The following PCDHGB6 variants were observed in gnomAD, a reference collection of about 807,000 sequenced individuals.
The protein encoded by PCDHGB6 is protocadherin gamma subfamily B, 6, also known as protocadherin gamma-B6.
Under a neutral mutation model 59.1 loss-of-function variants are expected in PCDHGB6, and 51 were observed. The ratio of observed to expected loss-of-function variants is 0.86; its 90% confidence interval spans 0.69 to 1.09. The LOEUF (loss-of-function observed/expected upper bound fraction) is 1.09, where lower values mean the gene tolerates loss of function less well. Among genes scored for constraint, PCDHGB6 ranks in the 50% least tolerant of loss-of-function variants. The pLI, the probability that PCDHGB6 is intolerant of heterozygous loss-of-function variation, is 0.00. For synonymous variants in PCDHGB6, 466 were observed against 495.1 expected (o/e 0.94, Z 0.78); for missense variants, 1,148 against 1,205.1 (o/e 0.95, Z 0.70).
At position 141,477,850 on chromosome 5, in the gene PCDHGB6, G is replaced by A; in HGVS notation, c.2419-16957G>A. On this transcript the variant is annotated intron_variant, in intron 1 of 3. Transcript: ENST00000520790. The surrounding 1 kb of genome is among the most constrained non-coding windows in gnomAD (Gnocchi z 4.9). ...CTCGGCCAGGTGGGAGCTCGGTGGAGATGCTGCCTCGAGGTACCTCAGCTG... is the reference window on the plus strand; with the variant it reads ...CTCGGCCAGGTGGGAGCTCGGTGGAAATGCTGCCTCGAGGTACCTCAGCTG... 6.2e-7 allele frequency: 1 copy of A among 1,613,446 alleles called. No homozygotes were observed. Among genetic ancestry groups the A allele is most frequent in the Admixed American group, 1.7e-5 (1 of 59,958 alleles).
chr5:141,418,079 C>A, intron 1 of PCDHGB6: 1 of 1,614,048 alleles, frequency 6.2e-7, no homozygotes, highest in Non-Finnish European at 8.5e-7. Context: ...GGAGAAGCTG[C>A]ACTTCAGCGT....
chr5:141,426,371 C>T (rs987346395), intron 1 of PCDHGB6: 4 of 217,048 alleles, frequency 1.8e-5, no homozygotes, highest in African/African-American at 9.0e-5. Context: ...TGCGGGGCAC[C>T]CTCGGAGCAG....
Position 141,486,772 on chromosome 5 carries a change from T to A in PCDHGB6, c.2419-8035T>A. ...ATGAGCAAACCCAGACACTGCAGTT[T>A]GAGGTGCAGGCCCGGGATCGGGGCA... is the stretch of plus-strand genomic sequence containing the variant. On this transcript the variant is annotated intron_variant, in intron 1 of 3. Coordinates refer to ENST00000520790, the MANE Select transcript of PCDHGB6 (RefSeq NM_018926.3). The surrounding 1 kb of genome is among the most constrained non-coding windows in gnomAD (Gnocchi z 5.0). 1 of 1,614,246 alleles carries A rather than the reference T, an allele frequency of 6.2e-7. No homozygotes were observed. Among genetic ancestry groups the A allele is most frequent in the South Asian group, 1.1e-5 (1 of 91,088 alleles).
At chr5:141,481,913 CAAA>C (rs34114744) in intron 1 of PCDHGB6, among the ~76,000 whole-genome samples, 50 of 90,788 alleles carry the variant, frequency 5.5e-4, no homozygotes, top group African/African-American at 7.1e-4. Flanking sequence ...AACTCCATCT[CAAA>C]AAAAAAAAAA....
At chr5:141,450,152 A>G (rs958894990) in intron 1 of PCDHGB6, among the ~76,000 whole-genome samples, 1 of 151,132 alleles carries the variant, frequency 6.6e-6, no homozygotes, top group East Asian at 2.0e-4. Context: ...GACTACAGGC[A>G]TGTGCCACCA....
intron 1 of PCDHGB6, chr5:141,478,529 A>G: frequency 6.2e-7 from 1 of 1,609,580 alleles, no homozygotes; most frequent in Non-Finnish European, 8.5e-7. Flanking sequence ...GGGTGCAGAG[A>G]GCGCCCCTCC....
chr5:141,439,625 CCA>C (rs1281773200), intron 1 of PCDHGB6, among the ~76,000 whole-genome samples: 1 of 152,150 alleles, frequency 6.6e-6, no homozygotes, highest in African/African-American at 2.4e-5. Flanking sequence ...GAGCCAATCC[CCA>C]GACATTCCGG....
intron 1 of PCDHGB6, chr5:141,421,833 C>A: frequency 6.2e-7 from 1 of 1,613,756 alleles, no homozygotes; most frequent in South Asian, 1.1e-5. Context: ...GAAGCCTGGA[C>A]CGAGAGAAAG....
intron 1 of PCDHGB6, among the ~76,000 whole-genome samples, chr5:141,450,166 T>TCCCACCACACC (rs1046248061): frequency 2.0e-5 from 3 of 151,062 alleles, no homozygotes; most frequent in African/African-American, 7.3e-5. Flanking sequence ...GCCACCACAC[T>TCCCACCACACC]CCCACCACAC....
chr5:141,474,970 A>G (rs1309289477), intron 1 of PCDHGB6, among the ~76,000 whole-genome samples: 4 of 152,212 alleles, frequency 2.6e-5, no homozygotes, highest in African/African-American at 9.6e-5. Context: ...TAATCATTAT[A>G]ATTTTGTTTG....
At chr5:141,434,515 G>A (rs1032584764) in intron 1 of PCDHGB6, among the ~76,000 whole-genome samples, 1 of 152,296 alleles carries the variant, frequency 6.6e-6, no homozygotes, top group African/African-American at 2.4e-5. Context: ...CTGCTTAAAG[G>A]TGTTCTTAAA....
chr5:141,430,855 C>T, intron 1 of PCDHGB6: 7 of 1,588,596 alleles, frequency 4.4e-6, no homozygotes, highest in Non-Finnish European at 6.0e-6. Context: ...CCCAGATACG[C>T]TATTCAGTTC....
rs61612330 is a variant in PCDHGB6 at position 141,454,796 on chromosome 5, ATTTTTTTT to A, written c.2419-39989_2419-39982del. Reference sequence around the variant, plus strand: ...AAGGAAATAATCCTCCATGGTTCTAATTTTTTTTTTTTTTTTTTTTTTTTTTTTTGAGA... The same window carrying A: ...AAGGAAATAATCCTCCATGGTTCTAATTTTTTTTTTTTTTTTTTTTTGAGA... On this transcript the variant is annotated intron_variant, in intron 1 of 3. Transcript: ENST00000520790. Among the ~76,000 whole-genome samples, 398 of 77,454 alleles carry A rather than the reference ATTTTTTTT, an allele frequency of 5.1e-3. 2 individuals are homozygous for A. The highest frequency in any genetic ancestry group is 0.021 in the African/African-American group (363 of 16,886). 50.8% of individuals were successfully genotyped at this position (77,454 alleles called of 152,430 possible).
intron 2 of PCDHGB6, among the ~76,000 whole-genome samples, chr5:141,504,354 G>C (rs1349256606): frequency 6.6e-6 from 1 of 152,100 alleles, no homozygotes; most frequent in Non-Finnish European, 1.5e-5. Flanking sequence ...TGTGCTAGGT[G>C]CTTCAGTAGG....
In PCDHGB6 at chr5:141,485,368, G is replaced by T. The variant is rs2154580406; in HGVS notation, c.2419-9439G>T. On this transcript the variant is annotated intron_variant, in intron 1 of 3. Coordinates refer to ENST00000520790, the MANE Select transcript of PCDHGB6 (RefSeq NM_018926.3). This position sits in a 1 kb window ranked among gnomAD's most constrained non-coding sequence, Gnocchi z 5.7. Reference sequence around the variant, plus strand: ...ACAGTCTGTCAGCTCGCAGGCTGCAGGTCGCTGGAGAGGTGAACCAAAGAC... The same window carrying T: ...ACAGTCTGTCAGCTCGCAGGCTGCATGTCGCTGGAGAGGTGAACCAAAGAC... The T allele has an allele frequency of 6.2e-7, 1 of 1,614,144 alleles. No individual in the cohort carries two copies. The highest frequency in any genetic ancestry group is 2.2e-5 in the East Asian group (1 of 44,866).
intron 1 of PCDHGB6, among the ~76,000 whole-genome samples, chr5:141,448,660 G>T (rs2098599264): frequency 6.6e-6 from 1 of 151,712 alleles, no homozygotes; most frequent in African/African-American, 2.4e-5. Context: ...TTCCATATTG[G>T]CCGGGCGCGG....
At chr5:141,456,687 A>G (rs1053490307) in intron 1 of PCDHGB6, among the ~76,000 whole-genome samples, 1 of 152,156 alleles carries the variant, frequency 6.6e-6, no homozygotes. Context: ...ATTACTGGCC[A>G]GGCGTGGTGG....
intron 1 of PCDHGB6, chr5:141,478,628 T>G (rs1245431927): frequency 6.4e-7 from 1 of 1,553,704 alleles, no homozygotes; most frequent in African/African-American, 1.4e-5. Context: ...GAGCTGTTTT[T>G]TTAGTGATGA....
At chr5:141,468,783 G>T (rs908838744) in intron 1 of PCDHGB6, among the ~76,000 whole-genome samples, 5 of 151,346 alleles carry the variant, frequency 3.3e-5, no homozygotes, top group East Asian at 2.0e-4. Flanking sequence ...GGAGAATGGC[G>T]TGAACCCGGG....
Sources: gnomAD v4.1 joint callset for allele counts (sites outside exome capture counted in the v4.1 genomes callset) on GRCh38, gnomAD v4.1.1 for gene constraint, Gnocchi (gnomAD v3.1) non-coding constraint, MANE v1.5 for transcripts, NCBI Gene and HGNC (gene_info 2026-07-23, HGNC 2026-07-21) for gene names.